Variants in HPSE2 observed in about 807,000 individuals in gnomAD.
HPSE2 encodes the protein inactive heparanase-2.
A neutral mutation model predicts 60.5 loss-of-function variants in HPSE2; 38 were observed. The observed-to-expected ratio is 0.63, with a 90% CI of 0.48 to 0.82. HPSE2 has a LOEUF of 0.82. Ranked by LOEUF, HPSE2 falls within the 40% of genes least tolerant of loss-of-function variation. The pLI, the probability that HPSE2 is intolerant of heterozygous loss-of-function variation, is 0.00. For missense variants in HPSE2, 713 were observed against 740.4 expected (o/e 0.96, Z 0.43); for synonymous variants, 295 against 293.2 (o/e 1.01, Z -0.06).
intron 3 of HPSE2, among the ~76,000 whole-genome samples, chr10:99,046,488 G>C (rs1325851259): frequency 6.6e-6 from 1 of 151,844 alleles, no homozygotes; most frequent in Non-Finnish European, 1.5e-5. Flanking sequence ...AGTGCAATCA[G>C]GCAAGAAAAA....
At chr10:98,645,632 T>C (rs185330467) in intron 6 of HPSE2, among the ~76,000 whole-genome samples, 5 of 152,342 alleles carry the variant, frequency 3.3e-5, no homozygotes, top group East Asian at 1.9e-4. Context: ...TATGGAAATA[T>C]GAACTTTGGT....
intron 11 of HPSE2, among the ~76,000 whole-genome samples, chr10:98,465,556 G>A (rs1163345773): frequency 6.6e-6 from 1 of 152,234 alleles, no homozygotes; most frequent in Admixed American, 6.5e-5. Flanking sequence ...GACAGGTTAA[G>A]TGGTCTGGGC....
intron 3 of HPSE2, among the ~76,000 whole-genome samples, chr10:98,873,144 G>C (rs1952779997): frequency 6.6e-6 from 1 of 152,030 alleles, no homozygotes; most frequent in Non-Finnish European, 1.5e-5. Flanking sequence ...TATATGAATT[G>C]ATTTCACATG....
intron 3 of HPSE2, among the ~76,000 whole-genome samples, chr10:98,902,313 A>G (rs892974197): frequency 1.3e-5 from 2 of 152,178 alleles, no homozygotes; most frequent in Admixed American, 6.5e-5. Context: ...AGACTTTCCA[A>G]GGTCCAAACT....
chr10:98,975,720 T>C (rs188647601), intron 3 of HPSE2, among the ~76,000 whole-genome samples: 202 of 152,290 alleles, frequency 1.3e-3, no homozygotes, highest in African/African-American at 4.5e-3. Context: ...AAGAAGCAAG[T>C]AGATGTAAGT....
chr10:99,164,807 G>A (rs911911789), intron 2 of HPSE2, among the ~76,000 whole-genome samples: 2 of 152,020 alleles, frequency 1.3e-5, no homozygotes, highest in Non-Finnish European at 2.9e-5. Context: ...GGCAGATCAC[G>A]AGGTCAGGTG....
At chr10:98,794,764 C>T (rs1235299156) in intron 3 of HPSE2, among the ~76,000 whole-genome samples, 2 of 151,950 alleles carry the variant, frequency 1.3e-5, no homozygotes, top group Non-Finnish European at 2.9e-5. Flanking sequence ...TCACCTTGTT[C>T]CATTACTAAT....
chr10:98,867,998 G>T (rs1952633655), intron 3 of HPSE2, among the ~76,000 whole-genome samples: 1 of 151,872 alleles, frequency 6.6e-6, no homozygotes. Flanking sequence ...GGAGGTGGAG[G>T]TTGCAGTGAG....
intron 11 of HPSE2, among the ~76,000 whole-genome samples, chr10:98,462,774 G>A (rs1940353224): frequency 6.6e-6 from 1 of 152,064 alleles, no homozygotes; most frequent in Non-Finnish European, 1.5e-5. Flanking sequence ...CTCCTCCCAG[G>A]TTGCTGCTGC....
chr10:98,723,085 G>A (rs960948408), intron 4 of HPSE2, among the ~76,000 whole-genome samples: 1 of 152,156 alleles, frequency 6.6e-6, no homozygotes, highest in African/African-American at 2.4e-5. Flanking sequence ...CATTCAGTAT[G>A]ATATTGGCTG....
rs775572934 is a variant in HPSE2, at chr10:98,744,003, T to C, written c.664A>G (p.Ile222Val). Residue 222 changes from isoleucine to valine, a missense_variant, in exon 4 of 12, where the codon ATA becomes GTA. Transcript: ENST00000370552. ...NFADCSGLHL[I>V]FALNALRRNP... ...CGACGCAGTGCATTTAGAGCAAATA[T>C]CAGGTGGAGTCCAGAGCAATCAGCA... The C allele has an allele frequency of 3.1e-6, 5 of 1,614,106 alleles. No homozygotes were observed. Among genetic ancestry groups the C allele is most frequent in the Non-Finnish European group, 4.2e-6 (5 of 1,179,980 alleles).
At chr10:98,845,087 A>C (rs1274972578) in intron 3 of HPSE2, among the ~76,000 whole-genome samples, 1 of 152,242 alleles carries the variant, frequency 6.6e-6, no homozygotes, top group African/African-American at 2.4e-5. Flanking sequence ...TGGAGGAGAA[A>C]GGAAGTTAAG....
At chr10:98,556,777 C>T (rs1944019836) in intron 9 of HPSE2, among the ~76,000 whole-genome samples, 1 of 152,210 alleles carries the variant, frequency 6.6e-6, no homozygotes, top group Non-Finnish European at 1.5e-5. Flanking sequence ...GTCAGAATTT[C>T]AGCAGGTTCT....
chr10:99,061,011 A>T (rs1958230661), intron 3 of HPSE2, among the ~76,000 whole-genome samples: 2 of 152,094 alleles, frequency 1.3e-5, no homozygotes, highest in African/African-American at 4.8e-5. Context: ...TTTTTTATTT[A>T]AAAAAGTTTA....
rs560311874 is a variant in HPSE2, at chr10:98,627,063, G to A, written c.1099-6355C>T. On this transcript the variant is annotated intron_variant, in intron 7 of 11. Transcript: ENST00000370552. ...GCTGGGATTACAGGCATGAGCCACC[G>A]CACCCGGCCGAGATGATTATTTTTC... Among the ~76,000 whole-genome samples the A allele has an allele frequency of 5.3e-5, 8 of 152,232 alleles. No individual in the cohort carries two copies. In the South Asian group the frequency reaches 1.5e-3, roughly 28 times the overall value.
intron 3 of HPSE2, among the ~76,000 whole-genome samples, chr10:99,065,084 C>T (rs1280151148): frequency 6.6e-6 from 1 of 152,102 alleles, no homozygotes; most frequent in Non-Finnish European, 1.5e-5. Context: ...TTATATCTTC[C>T]CATTTTCTCA....
At chr10:98,932,498 G>A (rs1447986788) in intron 3 of HPSE2, among the ~76,000 whole-genome samples, 1 of 143,954 alleles carries the variant, frequency 6.9e-6, no homozygotes, top group Non-Finnish European at 1.5e-5. Flanking sequence ...TGAGTTAGAG[G>A]GGAGTCCCTC....
At chr10:98,687,905 T>C (rs1317568470) in intron 6 of HPSE2, among the ~76,000 whole-genome samples, 1 of 152,216 alleles carries the variant, frequency 6.6e-6, no homozygotes, top group Non-Finnish European at 1.5e-5. Context: ...CTGACAATCT[T>C]TGCCTTTTAA....
At chr10:99,203,892 A>C (rs1242935434) in intron 2 of HPSE2, among the ~76,000 whole-genome samples, 1 of 152,142 alleles carries the variant, frequency 6.6e-6, no homozygotes, top group Non-Finnish European at 1.5e-5. Flanking sequence ...CCAAGGGTCC[A>C]GGCCCACTCC....
Sources: gnomAD v4.1 joint callset for allele counts (sites outside exome capture counted in the v4.1 genomes callset) on GRCh38, gnomAD v4.1.1 for gene constraint, MANE v1.5 for transcripts, NCBI Gene and HGNC (gene_info 2026-07-23, HGNC 2026-07-21) for gene names.